The following NXPH1 variants were observed in gnomAD, a reference collection of about 807,000 sequenced individuals.
The protein encoded by NXPH1 is neurexophilin 1, also known as neurexophilin-1.
A neutral mutation model predicts 23.7 loss-of-function variants in NXPH1; 5 were observed. That is an observed-to-expected ratio of 0.21 (90% CI 0.11 to 0.44). The LOEUF is 0.44. Ranked by LOEUF, NXPH1 falls within the 20% of genes least tolerant of loss-of-function variation. The pLI is 0.99. For missense variants in NXPH1, 324 were observed against 321.6 expected (o/e 1.01, Z -0.06); for synonymous variants, 144 against 122.2 (o/e 1.18, Z -1.18).
chr7:8,435,409 C>A lies in NXPH1; in HGVS notation c.-110-195C>A, dbSNP rs568037021. 2.1e-6 allele frequency: 1 copy of A among 478,796 alleles called. No homozygotes were observed. Among genetic ancestry groups the A allele is most frequent in the Non-Finnish European group, 3.8e-6 (1 of 265,458 alleles). 29.7% of individuals were successfully genotyped at this position (478,796 alleles called of 1,614,324 possible). ...CCCCTCACCCTCCCTCTCGTCCGCC[C>A]GCCCGCCTCCCCAGCTGCGGACCGC... On this transcript the variant is annotated intron_variant, in intron 1 of 2. Transcript: ENST00000405863. This position sits in a 1 kb window ranked among gnomAD's most constrained non-coding sequence, Gnocchi z 5.9.
At chr7:8,542,131 GA>G (rs140853754) in intron 2 of NXPH1, among the ~76,000 whole-genome samples, 1,855 of 149,762 alleles carry the variant, frequency 0.012, 39 homozygotes, top group African/African-American at 0.041. Context: ...TCAATTATAA[GA>G]AAAAAAAGAA....
At chr7:8,652,375 A>G (rs1820503690) in intron 2 of NXPH1, among the ~76,000 whole-genome samples, 2 of 152,182 alleles carry the variant, frequency 1.3e-5, no homozygotes, top group African/African-American at 2.4e-5. Context: ...ATAATAGTTA[A>G]TGAAAGGTTT....
At chr7:8,479,115 CAT>C (rs1817029356) in intron 2 of NXPH1, among the ~76,000 whole-genome samples, 1 of 151,976 alleles carries the variant, frequency 6.6e-6, no homozygotes. Flanking sequence ...ACTGGTTAAA[CAT>C]ATAGTTACTT....
chr7:8,735,745 T>G (rs961276632), intron 2 of NXPH1, among the ~76,000 whole-genome samples: 4 of 152,142 alleles, frequency 2.6e-5, no homozygotes, highest in African/African-American at 9.7e-5. Flanking sequence ...GGTAGAATGC[T>G]ACTGTGAATT....
At chr7:8,579,501 C>T (rs1417174212) in intron 2 of NXPH1, among the ~76,000 whole-genome samples, 3 of 151,878 alleles carry the variant, frequency 2.0e-5, no homozygotes, top group Non-Finnish European at 4.4e-5. Flanking sequence ...GTCTCCTGAG[C>T]AGCTGGAATT....
chr7:8,636,101 C>T (rs767878546), intron 2 of NXPH1, among the ~76,000 whole-genome samples: 6 of 152,076 alleles, frequency 3.9e-5, no homozygotes, highest in Non-Finnish European at 8.8e-5. Flanking sequence ...TTAAAGATAT[C>T]GTTTTCCGCC....
chr7:8,602,411 A>G (rs572448509), intron 2 of NXPH1, among the ~76,000 whole-genome samples: 6 of 151,782 alleles, frequency 4.0e-5, no homozygotes, highest in Non-Finnish European at 4.4e-5. Context: ...TTCCCCTTAA[A>G]TTTTCTGATT....
At chr7:8,457,405 G>A (rs1012946088) in intron 2 of NXPH1, among the ~76,000 whole-genome samples, 1 of 152,162 alleles carries the variant, frequency 6.6e-6, no homozygotes, top group Non-Finnish European at 1.5e-5. Flanking sequence ...GTCAAGCTAT[G>A]CAGCAAAGAA....
chr7:8,620,906 G>A (rs918497067), intron 2 of NXPH1, among the ~76,000 whole-genome samples: 2 of 152,102 alleles, frequency 1.3e-5, no homozygotes, highest in African/African-American at 4.8e-5. Context: ...TTCTCCCTTT[G>A]AAAAGGTAAT....
At position 8,751,416 on chromosome 7, in the gene NXPH1, C is replaced by T; in HGVS notation, c.463C>T (p.His155Tyr). Reference protein sequence around the residue: ...GNGTFSVYFRHNSTGQGNVSV... With the variant: ...GNGTFSVYFRYNSTGQGNVSV... ...TGGGACATTTAGTGTTTATTTCAGG[C>T]ATAATTCAACTGGTCAAGGGAATGT... Residue 155 changes from histidine to tyrosine, a missense_variant, in exon 3 of 3, where the codon CAT becomes TAT. Physicochemically the swap from His to Tyr is moderately conservative, Grantham distance 83. Coordinates refer to ENST00000405863, the MANE Select transcript of NXPH1 (RefSeq NM_152745.3). The surrounding 1 kb of genome is among the most constrained non-coding windows in gnomAD (Gnocchi z 4.5). The T allele has an allele frequency of 6.2e-7, 1 of 1,613,830 alleles. No homozygotes were observed. Among genetic ancestry groups the T allele is most frequent in the Non-Finnish European group, 8.5e-7 (1 of 1,179,820 alleles).
chr7:8,518,663 A>T (rs1420171231), intron 2 of NXPH1, among the ~76,000 whole-genome samples: 2 of 151,900 alleles, frequency 1.3e-5, no homozygotes, highest in Non-Finnish European at 2.9e-5. Context: ...ATTAAAAAAA[A>T]ATTGTAGAGA....
chr7:8,584,218 G>C (rs1007652105), intron 2 of NXPH1, among the ~76,000 whole-genome samples: 2 of 152,102 alleles, frequency 1.3e-5, no homozygotes, highest in Non-Finnish European at 2.9e-5. Flanking sequence ...GTGGAATCAG[G>C]ACTTGGCCCT....
intron 2 of NXPH1, among the ~76,000 whole-genome samples, chr7:8,568,002 A>G (rs1818576596): frequency 1.3e-5 from 2 of 151,904 alleles, no homozygotes; most frequent in Admixed American, 1.3e-4. Context: ...GTGTGGGTGA[A>G]AATAAGCTTG....
At chr7:8,600,923 C>CTT (rs112106354) in intron 2 of NXPH1, among the ~76,000 whole-genome samples, 3 of 145,312 alleles carry the variant, frequency 2.1e-5, no homozygotes, top group East Asian at 2.0e-4. Flanking sequence ...ATGTGTAGAC[C>CTT]TTTTTTTTTT....
chr7:8,614,471 T>C (rs551458767), intron 2 of NXPH1, among the ~76,000 whole-genome samples: 2 of 152,034 alleles, frequency 1.3e-5, no homozygotes, highest in African/African-American at 4.8e-5. Context: ...TATATGTCTA[T>C]AGATTTTATG....
intron 2 of NXPH1, among the ~76,000 whole-genome samples, chr7:8,654,908 T>G (rs4725108): frequency 0.72 from 109,195 of 151,954 alleles, 39,814 homozygotes; most frequent in East Asian, 1. Flanking sequence ...GAGATAGGTG[T>G]GTCTAATCAT....
At chr7:8,506,850 A>T (rs74655865) in intron 2 of NXPH1, among the ~76,000 whole-genome samples, 1 of 151,940 alleles carries the variant, frequency 6.6e-6, no homozygotes, top group Non-Finnish European at 1.5e-5. Context: ...ATGAGGCTCA[A>T]TGAAGAGGGT....
chr7:8,486,799 C>G (rs181008259), intron 2 of NXPH1, among the ~76,000 whole-genome samples: 2 of 152,102 alleles, frequency 1.3e-5, no homozygotes, highest in African/African-American at 4.8e-5. Context: ...GGATAGGTCT[C>G]TTCTCATTAT....
rs1434692619 is a variant in NXPH1, at chr7:8,751,704, C to T, written c.751C>T (p.Leu251=). 2.5e-6 allele frequency: 4 copies of T among 1,612,752 alleles called. No individual in the cohort carries two copies. In the African/African-American group the frequency reaches 4.0e-5, roughly 16 times the overall value. ...TTCCTTTTATAGTACAGATTATAAACTGGTACAGAAAGTGTGCCCTGACTA... is the reference window on the plus strand; with the variant it reads ...TTCCTTTTATAGTACAGATTATAAATTGGTACAGAAAGTGTGCCCTGACTA... ...YISFYSTDYK[L]VQKVCPDYNY... is the part of the protein sequence containing the mutation. Residue 251 remains leucine (L), a synonymous_variant, in exon 3 of 3, where the codon CTG becomes TTG. Coordinates refer to ENST00000405863, the MANE Select transcript of NXPH1 (RefSeq NM_152745.3). This position sits in a 1 kb window ranked among gnomAD's most constrained non-coding sequence, Gnocchi z 4.5.
Sources: gnomAD v4.1 joint callset for allele counts (sites outside exome capture counted in the v4.1 genomes callset) on GRCh38, gnomAD v4.1.1 for gene constraint, Gnocchi (gnomAD v3.1) non-coding constraint, MANE v1.5 for transcripts, NCBI Gene and HGNC (gene_info 2026-07-23, HGNC 2026-07-21) for gene names.